ZNF735: variants seen among roughly 807,000 people sequenced by gnomAD.
ZNF735 encodes zinc finger protein 735.
ZNF735 carries 11 observed loss-of-function variants against 13.4 expected under a neutral mutation model. The observed-to-expected ratio is 0.82, with a 90% CI of 0.52 to 1.36. The LOEUF is 1.36. Ranked by LOEUF, ZNF735 falls within the 40% of genes most tolerant of loss-of-function variation. ZNF735 has a pLI of 0.00. For missense variants in ZNF735, 500 were observed against 484.6 expected, an observed-to-expected ratio of 1.03 and a Z score of -0.30; for synonymous variants, 171 against 162.6, an observed-to-expected ratio of 1.05 and a Z score of -0.39.
intron 3 of ZNF735, among the ~76,000 whole-genome samples, chr7:64,215,858 T>C (rs1787413698): frequency 6.6e-6 from 1 of 152,200 alleles, no homozygotes; most frequent in Admixed American, 6.5e-5. Context: ...GGGCTCCCTA[T>C]TTTGTTCTAT....
chr7:64,219,177 A>G lies in ZNF735; in HGVS notation c.263-137A>G, dbSNP rs1787456452. On this transcript the variant is annotated intron_variant, in intron 3 of 3. Coordinates refer to ENST00000429565, the Ensembl canonical transcript of ZNF735. ...ATGATTTTGTTACATTTATATATCT[A>G]TGAAGGAATTATGGCCTGTGGTATT... 4 of 1,109,430 alleles carry G rather than the reference A, an allele frequency of 3.6e-6. No individual in the cohort carries two copies. The East Asian group carries it at 1.0e-4, about 29-fold the overall frequency. 68.7% of individuals were successfully genotyped at this position (1,109,430 alleles called of 1,614,324 possible).
At chr7:64,210,498 A>G (rs1180141799) in intron 1 of ZNF735, among the ~76,000 whole-genome samples, 1 of 152,212 alleles carries the variant, frequency 6.6e-6, no homozygotes, top group Admixed American at 6.5e-5. Context: ...CTGCAGAATC[A>G]CTTTGCATAA....
intron 1 of ZNF735, among the ~76,000 whole-genome samples, chr7:64,208,461 T>C (rs1773528947): frequency 6.6e-6 from 1 of 151,968 alleles, no homozygotes; most frequent in Non-Finnish European, 1.5e-5. Context: ...TTCACCACGT[T>C]GGCCAGGTTG....
intron 1 of ZNF735, among the ~76,000 whole-genome samples, chr7:64,208,244 GTTTTTTTTTTTTTTTT>G (rs71060562): frequency 0.43 from 40,994 of 94,862 alleles, 6,809 homozygotes; most frequent in Middle Eastern, 0.52. Context: ...TCCAATAAAT[GTTTTTTTTTTTTTTTT>G]TTTTTTTTTT....
chr7:64,207,342 G>C (rs1787300769), intron 1 of ZNF735, 101 bp downstream of exon 1: 1 of 1,608,214 alleles, frequency 6.2e-7, no homozygotes, highest in African/African-American at 1.3e-5. Flanking sequence ...GTCAGCTCCG[G>C]AGTCTGAGGA....
At chr7:64,208,033 T>C (rs1177018104) in intron 1 of ZNF735, among the ~76,000 whole-genome samples, 1 of 151,420 alleles carries the variant, frequency 6.6e-6, no homozygotes, top group African/African-American at 2.4e-5. Context: ...GGCTTGTGGG[T>C]TGTGATCCAT....
At chr7:64,214,633 C>T (rs112806611) in intron 3 of ZNF735, among the ~76,000 whole-genome samples, 6,367 of 151,294 alleles carry the variant, frequency 0.042, 182 homozygotes, top group Non-Finnish European at 0.065. Flanking sequence ...ATTTTATATA[C>T]GTATTTATTT....
intron 1 of ZNF735, among the ~76,000 whole-genome samples, chr7:64,212,000 TAA>T (rs1440830804): frequency 9.9e-5 from 15 of 151,968 alleles, no homozygotes; most frequent in Non-Finnish European, 1.9e-4. Flanking sequence ...CAGCACATAA[TAA>T]AAATGTGTCC....
intron 3 of ZNF735, among the ~76,000 whole-genome samples, chr7:64,218,466 A>T: frequency 6.7e-6 from 1 of 148,426 alleles, no homozygotes; most frequent in Non-Finnish European, 1.5e-5. Context: ...CTTACCTTTA[A>T]ATTATTTCAG....
rs182678374 is a variant in ZNF735 at position 64,218,139 on chromosome 7, T to C, written c.263-1175T>C. ...TGCTTATATGCTTTTCCAGCATTTG[T>C]TTATTCTGGAAGATCTTTATTTTTT... On this transcript the variant is annotated intron_variant, in intron 3 of 3. Coordinates refer to ENST00000429565, the Ensembl canonical transcript of ZNF735. Among the ~76,000 whole-genome samples, 238 of 152,218 alleles carry C rather than the reference T, an allele frequency of 1.6e-3. 1 individual carries two copies. Among genetic ancestry groups the C allele is most frequent in the African/African-American group, 5.5e-3 (228 of 41,552 alleles).
chr7:64,213,307 A>T, intron 2 of ZNF735, 89 bp downstream of exon 2: 2 of 1,311,490 alleles, frequency 1.5e-6, no homozygotes. Context: ...TGCATGAATG[A>T]ATTTTAGCTC....
At chr7:64,220,188 A>T (rs1227336804) in exon 4 of ZNF735, 1 of 1,613,138 alleles carries the variant, frequency 6.2e-7, no homozygotes, top group Admixed American at 1.7e-5. Flanking sequence ...CTGGAGAGAA[A>T]CCATACAAAT....
chr7:64,220,175 A>G (rs1441523409), exon 4 of ZNF735: 1 of 1,613,210 alleles, frequency 6.2e-7, no homozygotes, highest in South Asian at 1.1e-5. Flanking sequence ...AAGAGAATTC[A>G]TACTGGAGAG....
At chr7:64,218,939 A>G (rs1169169301) in intron 3 of ZNF735, among the ~76,000 whole-genome samples, 1 of 152,178 alleles carries the variant, frequency 6.6e-6, no homozygotes, top group African/African-American at 2.4e-5. Context: ...TGTCCATGAT[A>G]GTGCAGTCTT....
intron 1 of ZNF735, among the ~76,000 whole-genome samples, chr7:64,212,378 AC>A (rs1164500488): frequency 6.6e-6 from 1 of 152,232 alleles, no homozygotes; most frequent in Non-Finnish European, 1.5e-5. Context: ...AAATCTCACA[AC>A]AAAATATTTA....
chr7:64,219,561 A>G, exon 4 of ZNF735: 1 of 1,585,456 alleles, frequency 6.3e-7, no homozygotes, highest in Non-Finnish European at 8.6e-7. Context: ...GTAAATTTTC[A>G]AATTCCAATA....
chr7:64,210,299 A>G (rs980709047), intron 1 of ZNF735, among the ~76,000 whole-genome samples: 1 of 152,144 alleles, frequency 6.6e-6, no homozygotes, highest in Non-Finnish European at 1.5e-5. Context: ...AAAATATAGC[A>G]TTTCAGCATG....
At chr7:64,208,307 G>A (rs1787316989) in intron 1 of ZNF735, among the ~76,000 whole-genome samples, 1 of 135,406 alleles carries the variant, frequency 7.4e-6, no homozygotes, top group Non-Finnish European at 1.5e-5. Flanking sequence ...CTCCAGGCTG[G>A]AGTGCAGTGG....
chr7:64,214,870 C>T (rs1008080590), intron 3 of ZNF735, among the ~76,000 whole-genome samples: 7 of 151,692 alleles, frequency 4.6e-5, no homozygotes, highest in Non-Finnish European at 7.4e-5. Flanking sequence ...TTCTTTACAT[C>T]ATCAACATAG....
Sources: gnomAD v4.1 joint callset for allele counts (sites outside exome capture counted in the v4.1 genomes callset) on GRCh38, gnomAD v4.1.1 for gene constraint, MANE v1.5 for transcripts, NCBI Gene and HGNC (gene_info 2026-07-23, HGNC 2026-07-21) for gene names.